DCC: variants seen among roughly 807,000 people sequenced by gnomAD.
DCC encodes the protein DCC netrin 1 receptor.
In DCC, 58 loss-of-function variants were observed where a neutral mutation model predicts 172.5. That is an observed-to-expected ratio of 0.34 (90% CI 0.27 to 0.42). The LOEUF (loss-of-function observed/expected upper bound fraction) is 0.42. Among genes scored for constraint, DCC ranks in the 10% least tolerant of loss-of-function variants. The probability of loss-of-function intolerance (pLI) is 1.00; values close to 1 mark genes in which losing one functional copy is unlikely to be tolerated. For missense variants in DCC, 1,740 were observed against 1,791.0 expected (o/e 0.97, Z 0.51); for synonymous variants, 709 against 644.5 (o/e 1.10, Z -1.52).
chr18:53,204,537 ACT>A (rs2055594777), intron 9 of DCC, among the ~76,000 whole-genome samples: 2 of 141,722 alleles, frequency 1.4e-5, no homozygotes, highest in South Asian at 4.4e-4. Flanking sequence ...ACAGAGCAAG[ACT>A]CTGTTTCTGG....
chr18:52,771,961 A>C (rs1427007682), intron 2 of DCC, among the ~76,000 whole-genome samples: 1 of 152,012 alleles, frequency 6.6e-6, no homozygotes, highest in Non-Finnish European at 1.5e-5. Context: ...AGGTGATTCT[A>C]ATATATACCA....
chr18:52,534,204 G>A (rs1010184141), intron 1 of DCC, among the ~76,000 whole-genome samples: 4 of 151,836 alleles, frequency 2.6e-5, no homozygotes, highest in African/African-American at 9.7e-5. Context: ...AAAACTATCA[G>A]GCACTGTATT....
intron 2 of DCC, among the ~76,000 whole-genome samples, chr18:52,854,202 C>T (rs1323138183): frequency 6.6e-6 from 1 of 152,142 alleles, no homozygotes; most frequent in East Asian, 1.9e-4. Context: ...GCAGTTTTGA[C>T]TTCTTTTGAT....
chr18:52,808,456 T>A (rs1273026199), intron 2 of DCC, among the ~76,000 whole-genome samples: 2 of 152,008 alleles, frequency 1.3e-5, no homozygotes, highest in Admixed American at 6.5e-5. Context: ...TATCATAGAT[T>A]GAACTATAAA....
chr18:53,352,910 T>C (rs921610877), intron 15 of DCC, among the ~76,000 whole-genome samples: 2 of 152,200 alleles, frequency 1.3e-5, no homozygotes, highest in African/African-American at 4.8e-5. Flanking sequence ...TATAACTGTT[T>C]TGCTTCTTCA....
chr18:52,768,212 C>T (rs2037284780), intron 2 of DCC, among the ~76,000 whole-genome samples: 1 of 152,130 alleles, frequency 6.6e-6, no homozygotes, highest in South Asian at 2.1e-4. Context: ...TTCACTCTGG[C>T]TTGACATTTA....
chr18:53,402,645 TTGAAA>T, intron 18 of DCC, 136 bp from the exon 19 acceptor site: 6 of 734,024 alleles, frequency 8.2e-6, no homozygotes, highest in Middle Eastern at 2.3e-4. Flanking sequence ...ATTCAAATCC[TTGAAA>T]TAAACTGTAA....
intron 1 of DCC, among the ~76,000 whole-genome samples, chr18:52,645,245 G>A (rs2034997575): frequency 6.6e-6 from 1 of 152,100 alleles, no homozygotes; most frequent in Non-Finnish European, 1.5e-5. Flanking sequence ...CAGCTAGTAA[G>A]ACTGGAAAAT....
chr18:52,946,665 C>T (rs1568204045), intron 5 of DCC, among the ~76,000 whole-genome samples: 1 of 152,166 alleles, frequency 6.6e-6, no homozygotes, highest in East Asian at 1.9e-4. Context: ...ACAATGCAAA[C>T]ACATTTCAGC....
At chr18:52,393,041 T>C (rs1021231814) in intron 1 of DCC, among the ~76,000 whole-genome samples, 23 of 152,122 alleles carry the variant, frequency 1.5e-4, no homozygotes, top group African/African-American at 5.6e-4. Context: ...TGAGAAGTGA[T>C]GAAATTAGAC....
At chr18:52,775,880 G>T (rs2037422553) in intron 2 of DCC, among the ~76,000 whole-genome samples, 1 of 152,166 alleles carries the variant, frequency 6.6e-6, no homozygotes, top group Admixed American at 6.5e-5. Context: ...TGAGGGTGGA[G>T]CCCCAGCCAG....
intron 12 of DCC, among the ~76,000 whole-genome samples, chr18:53,288,176 G>A (rs957472639): frequency 6.6e-6 from 1 of 152,060 alleles, no homozygotes; most frequent in Non-Finnish European, 1.5e-5. Context: ...GTAATTCAAG[G>A]TCTCTTTTTG....
intron 12 of DCC, among the ~76,000 whole-genome samples, chr18:53,249,786 A>G (rs1598946375): frequency 1.3e-5 from 2 of 151,986 alleles, no homozygotes; most frequent in African/African-American, 4.8e-5. Flanking sequence ...GTGGTTGTAT[A>G]TAGTCAGCAC....
intron 16 of DCC, among the ~76,000 whole-genome samples, chr18:53,391,350 G>A (rs1487800896): frequency 6.6e-6 from 1 of 152,050 alleles, no homozygotes; most frequent in Non-Finnish European, 1.5e-5. Context: ...GAAGCAATGT[G>A]CAACATTTAA....
chr18:52,504,862 C>T (rs1463677101), intron 1 of DCC, among the ~76,000 whole-genome samples: 3 of 152,050 alleles, frequency 2.0e-5, no homozygotes, highest in East Asian at 1.9e-4. Flanking sequence ...TACAGCAATC[C>T]GACAATTCTG....
chr18:52,984,285 T>C (rs2041258340), intron 5 of DCC, among the ~76,000 whole-genome samples: 1 of 152,104 alleles, frequency 6.6e-6, no homozygotes, highest in African/African-American at 2.4e-5. Context: ...TATAGATAAA[T>C]TTCATCCTTT....
At chr18:52,353,397 A>G (rs535262485) in intron 1 of DCC, among the ~76,000 whole-genome samples, 1 of 152,302 alleles carries the variant, frequency 6.6e-6, no homozygotes, top group Non-Finnish European at 1.5e-5. Flanking sequence ...AAAGACACAT[A>G]AAAGGGACAC....
rs555557869 is a variant in DCC at position 53,173,605 on chromosome 18, C to G, written c.1419-5357C>G. ...GAAGGTCATTACATAATGGTAAAGG[C>G]ATCAATTCAACAAGAAGAGCTAACT... On this transcript the variant is annotated intron_variant, in intron 8 of 28. Coordinates refer to ENST00000442544, the MANE Select transcript of DCC (RefSeq NM_005215.4). 4.6e-5 allele frequency among the ~76,000 whole-genome samples: 7 copies of G among 152,096 alleles called. No homozygotes were observed. The East Asian group carries it at 1.4e-3, about 29-fold the overall frequency.
intron 2 of DCC, among the ~76,000 whole-genome samples, chr18:52,786,196 G>C (rs1247353368): frequency 1.3e-5 from 2 of 152,020 alleles, no homozygotes; most frequent in Admixed American, 1.3e-4. Context: ...AAAACTCCAG[G>C]TTATGGGCAT....
Sources: gnomAD v4.1 joint callset for allele counts (sites outside exome capture counted in the v4.1 genomes callset) on GRCh38, gnomAD v4.1.1 for gene constraint, MANE v1.5 for transcripts, NCBI Gene and HGNC (gene_info 2026-07-23, HGNC 2026-07-21) for gene names.